The following LARP4B variants were observed in gnomAD, a reference collection of about 807,000 sequenced individuals.
The protein encoded by LARP4B is La ribonucleoprotein 4B, also known as la-related protein 4B.
A neutral mutation model predicts 89.8 loss-of-function variants in LARP4B; 12 were observed. The observed-to-expected ratio is 0.13, with a 90% CI of 0.09 to 0.22. The LOEUF is 0.22. Among genes scored for constraint, LARP4B ranks in the 10% least tolerant of loss-of-function variants. The probability of loss-of-function intolerance (pLI) is 1.00; values close to 1 mark genes in which losing one functional copy is unlikely to be tolerated. For missense variants in LARP4B, 757 were observed against 947.7 expected, an observed-to-expected ratio of 0.80 and a Z score of 2.64; for synonymous variants, 367 against 363.3, an observed-to-expected ratio of 1.01 and a Z score of -0.12.
At position 848,662 on chromosome 10, in the gene LARP4B, G is replaced by T. The variant is rs12243850; in HGVS notation, c.431-3607C>A. On this transcript the variant is annotated intron_variant, in intron 5 of 17. Coordinates refer to ENST00000316157, the MANE Select transcript of LARP4B (RefSeq NM_015155.3). ...TAACAACAGGGTAAACATTACAGCA[G>T]ACTCGGGAACCTGAAGACACAGTAA... Among the ~76,000 whole-genome samples, 971 of 151,422 alleles carry T rather than the reference G, an allele frequency of 6.4e-3. 16 individuals are homozygous for T. The highest frequency in any genetic ancestry group is 0.022 in the African/African-American group (914 of 41,370).
At chr10:841,799 G>T (rs957121451) in intron 7 of LARP4B, among the ~76,000 whole-genome samples, 1 of 152,100 alleles carries the variant, frequency 6.6e-6, no homozygotes, top group African/African-American at 2.4e-5. Flanking sequence ...ACAGTCAATG[G>T]TAATTATGTT....
At chr10:837,975 T>C (rs1833316571) in intron 7 of LARP4B, among the ~76,000 whole-genome samples, 1 of 152,094 alleles carries the variant, frequency 6.6e-6, no homozygotes, top group South Asian at 2.1e-4. Context: ...GAGAGCATAT[T>C]TGTAAATCAC....
At chr10:880,589 G>A (rs1588958171) in intron 3 of LARP4B, among the ~76,000 whole-genome samples, 1 of 152,146 alleles carries the variant, frequency 6.6e-6, no homozygotes, top group Non-Finnish European at 1.5e-5. Context: ...AGAAGGCTGA[G>A]GCACAAGAAT....
the LARP4B span, among the ~76,000 whole-genome samples, chr10:942,943 T>G: frequency 1.3e-5 from 2 of 149,080 alleles, no homozygotes; most frequent in Admixed American, 1.3e-4. Context: ...CCAAGCTGAC[T>G]TCTTTTTTTT....
rs1404698289 is a variant in LARP4B, at chr10:879,255, G to A, written c.141+5192C>T. On this transcript the variant is annotated intron_variant, in intron 3 of 17. Transcript: ENST00000316157. ...TCCTACATTAAAAAGGATCTACTCC[G>A]TCTCAGCACGAATACATTCTAAGAG... is the stretch of plus-strand genomic sequence containing the variant. 2.6e-5 allele frequency among the ~76,000 whole-genome samples: 4 copies of A among 152,180 alleles called. No individual in the cohort carries two copies. In the East Asian group the frequency reaches 5.8e-4, roughly 22 times the overall value.
chr10:889,096 AC>A, intron 1 of LARP4B, among the ~76,000 whole-genome samples: 1 of 152,168 alleles, frequency 6.6e-6, no homozygotes, highest in Non-Finnish European at 1.5e-5. Flanking sequence ...AAAAATAAAA[AC>A]AAAAATAAAA....
At chr10:823,202 T>G (rs1832445998) in intron 13 of LARP4B, among the ~76,000 whole-genome samples, 1 of 152,086 alleles carries the variant, frequency 6.6e-6, no homozygotes, top group African/African-American at 2.4e-5. Context: ...CCTAAACCAC[T>G]GGTGCGTGCT....
chr10:988,191 G>A, the LARP4B span: 10,730 of 400,164 alleles, frequency 0.027, 215 homozygotes, highest in Non-Finnish European at 0.034. Flanking sequence ...CAGTCTGTCG[G>A]AAACCCCCGC....
At chr10:816,471 C>T (rs1832061588) in intron 15 of LARP4B, among the ~76,000 whole-genome samples, 1 of 152,146 alleles carries the variant, frequency 6.6e-6, no homozygotes, top group African/African-American at 2.4e-5. Flanking sequence ...TGGGTGGTGG[C>T]ATAAGGCTCA....
At chr10:885,132 G>A (rs1410697494) in intron 2 of LARP4B, among the ~76,000 whole-genome samples, 2 of 152,144 alleles carry the variant, frequency 1.3e-5, no homozygotes, top group African/African-American at 4.8e-5. Flanking sequence ...CCTTGAAGCA[G>A]GCCATAAAAC....
rs199968615 is a variant in LARP4B, at chr10:864,423, T to TA, written c.142-154dup. On this transcript the variant is annotated intron_variant, in intron 3 of 17. Coordinates refer to ENST00000316157, the MANE Select transcript of LARP4B (RefSeq NM_015155.3). ...TTTGGAATGAAATCAGGTTCAAAATTAAAAAAAAAAAAAAAGCAGTCAGAA... is the reference window on the plus strand; with the variant it reads ...TTTGGAATGAAATCAGGTTCAAAATTAAAAAAAAAAAAAAAAGCAGTCAGAA... 8.0e-3 allele frequency among the ~76,000 whole-genome samples: 1,045 copies of TA among 131,294 alleles called. 7 individuals carry two copies. Among genetic ancestry groups the TA allele is most frequent in the African/African-American group, 0.025 (884 of 35,624 alleles). The allele number at this position is 131,294 out of a possible 152,430, so 86.1% of individuals were successfully genotyped here.
At chr10:895,555 C>A (rs1036480006) in intron 1 of LARP4B, among the ~76,000 whole-genome samples, 1 of 151,622 alleles carries the variant, frequency 6.6e-6, no homozygotes, top group African/African-American at 2.4e-5. Flanking sequence ...TACAAAAATT[C>A]CCAGCTACTC....
upstream of LARP4B, among the ~76,000 whole-genome samples, chr10:935,252 A>G (rs370710785): frequency 6.6e-6 from 1 of 152,196 alleles, no homozygotes; most frequent in Non-Finnish European, 1.5e-5. Flanking sequence ...GGACAGTCCT[A>G]TACAAAGAAA....
rs2131591379 is a variant in LARP4B at position 814,001 on chromosome 10, C to T, written c.1929+741G>A. 6.6e-6 allele frequency among the ~76,000 whole-genome samples: 1 copy of T among 152,074 alleles called. No homozygotes were observed. Among genetic ancestry groups the T allele is most frequent in the South Asian group, 2.1e-4 (1 of 4,816 alleles). On this transcript the variant is annotated intron_variant, in intron 17 of 17. Coordinates refer to ENST00000316157, the MANE Select transcript of LARP4B (RefSeq NM_015155.3). This position sits in a 1 kb window ranked among gnomAD's most constrained non-coding sequence, Gnocchi z 4.4. ...TATTTTCAGTAGAGACAGGGTTTCA[C>T]CATGTTGTTCAGGACTGTCTGGATC...
intron 1 of LARP4B, among the ~76,000 whole-genome samples, chr10:917,782 A>G (rs532980480): frequency 6.6e-6 from 1 of 152,362 alleles, no homozygotes; most frequent in East Asian, 1.9e-4. Context: ...AAGTTCCAGC[A>G]AAGACAACTT....
intron 1 of LARP4B, among the ~76,000 whole-genome samples, chr10:920,746 T>C (rs1236209182): frequency 2.0e-5 from 3 of 152,054 alleles, no homozygotes; most frequent in Non-Finnish European, 4.4e-5. Context: ...CACTTCAGCC[T>C]GGGGGACAAA....
intron 3 of LARP4B, among the ~76,000 whole-genome samples, chr10:883,962 C>T (rs1160615906): frequency 1.3e-5 from 2 of 152,110 alleles, no homozygotes; most frequent in Admixed American, 6.5e-5. Flanking sequence ...CTCTCTGAAG[C>T]ACTTTATATA....
intron 1 of LARP4B, among the ~76,000 whole-genome samples, chr10:930,953 C>T (rs889371459): frequency 6.7e-6 from 1 of 150,314 alleles, no homozygotes; most frequent in African/African-American, 2.4e-5. Flanking sequence ...GGGGCGCTCG[C>T]GGCCCGCGAC....
In LARP4B at chr10:812,636, C is replaced by A; in HGVS notation, c.*290G>T. On this transcript the variant is annotated 3_prime_UTR_variant, in exon 18 of 18. Coordinates refer to ENST00000316157, the MANE Select transcript of LARP4B (RefSeq NM_015155.3). ...CCACATGGAGGCTTAATAAAAAATACCAATTTGTTAGGATAAATGCTTTTT... is the reference window on the plus strand; with the variant it reads ...CCACATGGAGGCTTAATAAAAAATAACAATTTGTTAGGATAAATGCTTTTT... 7.8e-6 allele frequency: 2 copies of A among 257,600 alleles called. No homozygotes were observed. Among genetic ancestry groups the A allele is most frequent in the East Asian group, 7.1e-5 (1 of 14,026 alleles). 16.0% of individuals were successfully genotyped at this position (257,600 alleles called of 1,614,324 possible).
Sources: gnomAD v4.1 joint callset for allele counts (sites outside exome capture counted in the v4.1 genomes callset) on GRCh38, gnomAD v4.1.1 for gene constraint, Gnocchi (gnomAD v3.1) non-coding constraint, MANE v1.5 for transcripts, NCBI Gene and HGNC (gene_info 2026-07-23, HGNC 2026-07-21) for gene names.